AATF: variants seen among roughly 807,000 people sequenced by gnomAD.
AATF encodes the protein protein AATF.
AATF carries 48 observed loss-of-function variants against 63.7 expected under a neutral mutation model. The observed-to-expected ratio is 0.75, with a 90% confidence interval of 0.60 to 0.96. The LOEUF (loss-of-function observed/expected upper bound fraction) is 0.96. Among genes scored for constraint, AATF ranks in the 40% least tolerant of loss-of-function variants. AATF has a pLI of 0.00. For synonymous variants in AATF, 258 were observed against 247.7 expected (o/e 1.04, Z -0.39); for missense variants, 639 against 685.7 (o/e 0.93, Z 0.76).
In AATF at chr17:36,949,104, A is replaced by G; in HGVS notation, c.-22A>G. On this transcript the variant is annotated 5_prime_UTR_variant, in exon 1 of 12. Transcript: ENST00000619387. ...CCGCACATTTACGTGCGCGAAGCGG[A>G]GTGGACCGGGAGCTGGTGACGATGG... 1 of 1,556,862 alleles carries G rather than the reference A, an allele frequency of 6.4e-7. No individual in the cohort carries two copies. The highest frequency in any genetic ancestry group is 8.7e-7 in the Non-Finnish European group (1 of 1,148,254).
At chr17:36,957,365 G>C (rs917716855) in intron 4 of AATF, among the ~76,000 whole-genome samples, 1 of 152,208 alleles carries the variant, frequency 6.6e-6, no homozygotes, top group Non-Finnish European at 1.5e-5. Flanking sequence ...TCTGCTCAAA[G>C]AGGCATTTGG....
chr17:37,038,747 CA>C (rs1451617249), intron 11 of AATF, among the ~76,000 whole-genome samples: 1 of 151,918 alleles, frequency 6.6e-6, no homozygotes, highest in African/African-American at 2.4e-5. Context: ...GTTCTCTCCC[CA>C]AAAATACAAA....
At chr17:37,033,623 G>A (rs2071567917) in intron 11 of AATF, 1 of 154,598 alleles carries the variant, frequency 6.5e-6, no homozygotes, top group African/African-American at 2.4e-5. Flanking sequence ...ATTAATTTGG[G>A]TATGGCCTAT....
intron 4 of AATF, among the ~76,000 whole-genome samples, chr17:36,981,702 CTTT>C (rs71368433): frequency 1.8e-5 from 2 of 110,468 alleles, no homozygotes. Flanking sequence ...TCTTTCTTTT[CTTT>C]TTTTTTTTTT....
intron 8 of AATF, among the ~76,000 whole-genome samples, chr17:37,010,076 T>C (rs2071378490): frequency 1.3e-5 from 2 of 152,212 alleles, no homozygotes; most frequent in Admixed American, 1.3e-4. Flanking sequence ...TATTGACTCC[T>C]TTTGTGTAAA....
chr17:36,953,113 G>C lies in AATF; in HGVS notation c.511G>C (p.Glu171Gln). The change falls in exon 3 of 12, where the codon GAG becomes CAG. Residue 171 changes from glutamate (E) to glutamine (Q), a missense_variant. Glu to Gln is a conservative substitution (Grantham distance 29). Transcript: ENST00000619387. The part of the protein sequence containing the change: ...TKGMDDLGSS[E>Q]EEEDEESGME... ...GGGAATGGATGACCTTGGGAGCAGTGAGGAGGAGGAAGACGAAGAGAGTGG... is the reference window on the plus strand; with the variant it reads ...GGGAATGGATGACCTTGGGAGCAGTCAGGAGGAGGAAGACGAAGAGAGTGG... The C allele has an allele frequency of 6.2e-7, 1 of 1,614,156 alleles. No homozygotes were observed. Among genetic ancestry groups the C allele is most frequent in the African/African-American group, 1.3e-5 (1 of 75,018 alleles).
intron 4 of AATF, 99 bp from the exon 5 acceptor site, chr17:36,986,518 C>A: frequency 1.1e-6 from 1 of 924,554 alleles, no homozygotes; most frequent in Non-Finnish European, 1.8e-6. Flanking sequence ...CCTTCACTCC[C>A]CACAGCCAGA....
chr17:37,054,296 T>C (rs1336541750), intron 11 of AATF, among the ~76,000 whole-genome samples: 1 of 152,180 alleles, frequency 6.6e-6, no homozygotes, highest in African/African-American at 2.4e-5. Context: ...AGGTTGTTGC[T>C]GTGTGCTTCA....
chr17:36,960,998 G>T (rs2070942690), intron 4 of AATF, among the ~76,000 whole-genome samples: 1 of 152,126 alleles, frequency 6.6e-6, no homozygotes, highest in Non-Finnish European at 1.5e-5. Context: ...AACCATAGTT[G>T]TCATTTTGAT....
In AATF at chr17:37,049,243, G is replaced by C. The variant is rs529769148; in HGVS notation, c.1620-7358G>C. 7.2e-5 allele frequency among the ~76,000 whole-genome samples: 11 copies of C among 152,194 alleles called. No homozygotes were observed. In the East Asian group the frequency reaches 2.1e-3, roughly 29 times the overall value. On this transcript the variant is annotated intron_variant, in intron 11 of 11. Coordinates refer to ENST00000619387, the MANE Select transcript of AATF (RefSeq NM_012138.4). ...TGCTCTATGCCATATAAAAGCATTC[G>C]CCTTGTTCTATTTAACTATTCAAGA...
intron 11 of AATF, among the ~76,000 whole-genome samples, chr17:37,042,830 C>T (rs2071653544): frequency 6.6e-6 from 1 of 151,200 alleles, no homozygotes; most frequent in African/African-American, 2.4e-5. Context: ...CAAGCTCCTC[C>T]TCCCGGGTTC....
At chr17:36,984,703 G>C (rs531890445) in intron 4 of AATF, among the ~76,000 whole-genome samples, 9 of 151,976 alleles carry the variant, frequency 5.9e-5, no homozygotes, top group Middle Eastern at 6.8e-3. Flanking sequence ...TGGCATAATT[G>C]TAGTTCACTG....
At chr17:36,949,950 C>T (rs892489766) in intron 1 of AATF, among the ~76,000 whole-genome samples, 21 of 152,210 alleles carry the variant, frequency 1.4e-4, no homozygotes, top group East Asian at 7.7e-4. Context: ...GCGACTGTCA[C>T]ACATTGAAGA....
At chr17:36,970,549 T>C (rs974844926) in intron 4 of AATF, among the ~76,000 whole-genome samples, 1 of 143,848 alleles carries the variant, frequency 7.0e-6, no homozygotes, top group Non-Finnish European at 1.6e-5. Context: ...TTCTTTTTTT[T>C]TTTTTTTTTA....
chr17:37,051,728 A>ACACG (rs1491048135), intron 11 of AATF, among the ~76,000 whole-genome samples: 1 of 151,300 alleles, frequency 6.6e-6, no homozygotes, highest in African/African-American at 2.4e-5. Flanking sequence ...ACACACACAC[A>ACACG]CGCACATTCT....
chr17:37,032,857 A>T (rs1418623442), intron 11 of AATF, among the ~76,000 whole-genome samples: 1 of 152,178 alleles, frequency 6.6e-6, no homozygotes, highest in African/African-American at 2.4e-5. Flanking sequence ...TGATTGTTGG[A>T]CATTTAAATG....
chr17:36,959,234 C>T (rs761833458), intron 4 of AATF, among the ~76,000 whole-genome samples: 6 of 152,138 alleles, frequency 3.9e-5, no homozygotes, highest in South Asian at 2.1e-4. Flanking sequence ...ACCTGAGGTC[C>T]GGAGTTCAAG....
intron 11 of AATF, among the ~76,000 whole-genome samples, chr17:37,042,015 T>A (rs1213771820): frequency 6.6e-6 from 1 of 152,176 alleles, no homozygotes; most frequent in African/African-American, 2.4e-5. Context: ...CTTTGCCCAT[T>A]TTCTTTTTGA....
Position 36,949,231 on chromosome 17 carries a change from G to A in AATF, c.91+15G>A, listed in dbSNP as rs746280329. 4.4e-6 allele frequency: 7 copies of A among 1,578,508 alleles called. No homozygotes were observed. The highest frequency in any genetic ancestry group is 6.0e-6 in the Non-Finnish European group (7 of 1,163,862). ...CCCCGAGGAAGGTGAGGCCGGACTG[G>A]GGCAGGCCACGTGCGGAGCGGTGGG... On this transcript the variant is annotated intron_variant, in intron 1 of 11. Transcript: ENST00000619387.
Sources: allele counts gnomAD v4.1 joint callset (sites outside exome capture counted in the v4.1 genomes callset), GRCh38; gene constraint gnomAD v4.1.1; transcripts MANE v1.5; gene names NCBI Gene and HGNC (gene_info 2026-07-23, HGNC 2026-07-21).